The following NBEA variants were observed in gnomAD, a reference collection of about 807,000 sequenced individuals.
NBEA encodes neurobeachin.
In NBEA, 44 loss-of-function variants were observed where a neutral mutation model predicts 343.4. The ratio of observed to expected loss-of-function variants is 0.13; its 90% confidence interval spans 0.10 to 0.16. NBEA has a LOEUF of 0.16. Among genes scored for constraint, NBEA ranks in the 10% least tolerant of loss-of-function variants. The pLI, the probability that NBEA is intolerant of heterozygous loss-of-function variation, is 1.00. For synonymous variants in NBEA, 1,175 were observed against 1,238.7 expected (o/e 0.95, Z 1.08); for missense variants, 2,555 against 3,631.3 (o/e 0.70, Z 7.62).
intron 31 of NBEA, among the ~76,000 whole-genome samples, chr13:35,201,505 C>T (rs2073020181): frequency 6.6e-6 from 1 of 151,876 alleles, no homozygotes; most frequent in Admixed American, 6.6e-5. Flanking sequence ...TTTTAAGTTT[C>T]AACGTTTTCT....
intron 56 of NBEA, among the ~76,000 whole-genome samples, chr13:35,666,530 G>A (rs1183355617): frequency 6.6e-6 from 1 of 152,014 alleles, no homozygotes; most frequent in Non-Finnish European, 1.5e-5. Flanking sequence ...TTTCTATAGG[G>A]CAAGTCTATT....
At chr13:35,064,349 A>C (rs1161340704) in intron 8 of NBEA, among the ~76,000 whole-genome samples, 1 of 151,982 alleles carries the variant, frequency 6.6e-6, no homozygotes, top group East Asian at 1.9e-4. Context: ...GTGGTGTTTT[A>C]ACTTGACCTA....
rs79025629 is a variant in NBEA at position 35,229,568 on chromosome 13, G to A, written c.5649-2924G>A. ...CATGGGCTTTTCTCACATTAACATA[G>A]CTTTTAATTTATTTTTTTACATATT... On this transcript the variant is annotated intron_variant, in intron 33 of 58. Transcript: ENST00000379939. 9.4e-4 allele frequency among the ~76,000 whole-genome samples: 143 copies of A among 152,020 alleles called. 4 individuals are homozygous for A. In the East Asian group the frequency reaches 0.025, roughly 27 times the overall value.
At chr13:35,633,753 G>A (rs890035752) in intron 49 of NBEA, among the ~76,000 whole-genome samples, 1 of 151,770 alleles carries the variant, frequency 6.6e-6, no homozygotes, top group Non-Finnish European at 1.5e-5. Context: ...TTACCTAAAG[G>A]CATAATTAAA....
chr13:35,368,870 T>C (rs1304536371), intron 38 of NBEA, among the ~76,000 whole-genome samples: 1 of 151,676 alleles, frequency 6.6e-6, no homozygotes. Context: ...AAATCTAATA[T>C]ATATTAACTC....
At chr13:35,411,416 T>C (rs2152917108) in intron 38 of NBEA, among the ~76,000 whole-genome samples, 1 of 152,154 alleles carries the variant, frequency 6.6e-6, no homozygotes, top group African/African-American at 2.4e-5. Flanking sequence ...GTAGATGATT[T>C]GCCTCTGCCT....
chr13:35,161,346 T>G (rs2069545637), intron 22 of NBEA, among the ~76,000 whole-genome samples: 1 of 152,180 alleles, frequency 6.6e-6, no homozygotes, highest in Non-Finnish European at 1.5e-5. Context: ...AAGTAATATT[T>G]TTTCTAATCT....
chr13:35,407,493 T>C (rs1188875995), intron 38 of NBEA, among the ~76,000 whole-genome samples: 1 of 142,734 alleles, frequency 7.0e-6, no homozygotes. Context: ...AATACTCTTA[T>C]CAGAAGACCT....
At chr13:35,475,554 C>T (rs368588802) in intron 41 of NBEA, 27 of 1,613,322 alleles carry the variant, frequency 1.7e-5, no homozygotes, top group South Asian at 1.5e-4. Flanking sequence ...GGTTGGGTCC[C>T]GGCCAGGGGA....
chr13:35,394,083 A>G (rs1374670896), intron 38 of NBEA, among the ~76,000 whole-genome samples: 1 of 152,124 alleles, frequency 6.6e-6, no homozygotes, highest in African/African-American at 2.4e-5. Flanking sequence ...CAGATGTACT[A>G]AGTGTGGGAA....
chr13:35,457,328 A>AT (rs1201104514), intron 40 of NBEA, among the ~76,000 whole-genome samples: 3 of 152,072 alleles, frequency 2.0e-5, no homozygotes, highest in Admixed American at 6.6e-5. Context: ...CAATTTAGTG[A>AT]TTTTTTGGTA....
intron 49 of NBEA, among the ~76,000 whole-genome samples, chr13:35,633,521 A>G (rs1407705616): frequency 6.6e-6 from 1 of 151,744 alleles, no homozygotes; most frequent in Non-Finnish European, 1.5e-5. Flanking sequence ...GAGTATGATT[A>G]TATTGTATGC....
intron 17 of NBEA, among the ~76,000 whole-genome samples, chr13:35,124,497 T>TAC (rs375090464): frequency 0.095 from 13,875 of 146,108 alleles, 728 homozygotes; most frequent in South Asian, 0.18. Flanking sequence ...TGTGTGTGTA[T>TAC]ACACACACAC....
At chr13:35,333,390 A>G (rs1169004494) in intron 36 of NBEA, among the ~76,000 whole-genome samples, 4 of 152,102 alleles carry the variant, frequency 2.6e-5, no homozygotes, top group African/African-American at 9.7e-5. Flanking sequence ...AGTTAATTGG[A>G]TTTTTAAAAT....
intron 6 of NBEA, among the ~76,000 whole-genome samples, chr13:35,053,022 C>T (rs2152564717): frequency 6.6e-6 from 1 of 152,120 alleles, no homozygotes; most frequent in South Asian, 2.1e-4. Flanking sequence ...AATTCCCATC[C>T]TCATTTTAAA....
intron 55 of NBEA, 74 bp from the exon 56 acceptor site, chr13:35,665,008 TGAA>T: frequency 1.0e-6 from 1 of 977,392 alleles, no homozygotes; most frequent in Admixed American, 2.0e-5. Context: ...GGGTATTTTT[TGAA>T]TATTGCATTG....
intron 38 of NBEA, among the ~76,000 whole-genome samples, chr13:35,419,170 A>G (rs776106258): frequency 9.2e-5 from 14 of 152,070 alleles, no homozygotes; most frequent in Non-Finnish European, 2.1e-4. Flanking sequence ...CAGATTAGAG[A>G]TGCTTAACCT....
At chr13:35,226,139 A>G (rs1372285547) in intron 33 of NBEA, among the ~76,000 whole-genome samples, 1 of 152,180 alleles carries the variant, frequency 6.6e-6, no homozygotes, top group Non-Finnish European at 1.5e-5. Flanking sequence ...GGTCTGAAGG[A>G]AAAGTAATGC....
At chr13:35,293,171 A>G (rs1444478065) in intron 35 of NBEA, among the ~76,000 whole-genome samples, 1 of 152,000 alleles carries the variant, frequency 6.6e-6, no homozygotes, top group East Asian at 1.9e-4. Flanking sequence ...AAGTGTCTGA[A>G]GGTACTTGTC....
Sources: allele counts gnomAD v4.1 joint callset (sites outside exome capture counted in the v4.1 genomes callset), GRCh38; gene constraint gnomAD v4.1.1; transcripts MANE v1.5; gene names NCBI Gene and HGNC (gene_info 2026-07-23, HGNC 2026-07-21).